Variants in CNNM4 observed in about 807,000 individuals in gnomAD.
CNNM4 encodes the protein metal transporter CNNM4.
A neutral mutation model predicts 53.7 loss-of-function variants in CNNM4; 32 were observed. That is an observed-to-expected ratio of 0.60 (90% CI 0.45 to 0.80). CNNM4 has a LOEUF of 0.80. Ranked by LOEUF, CNNM4 falls within the 30% of genes least tolerant of loss-of-function variation. CNNM4 has a pLI of 0.00. For synonymous variants in CNNM4, 410 were observed against 440.0 expected (o/e 0.93, Z 0.85); for missense variants, 784 against 1,022.0 (o/e 0.77, Z 3.17).
chr2:96,803,488 G>T (rs1038048681), intron 5 of CNNM4, among the ~76,000 whole-genome samples: 2 of 152,136 alleles, frequency 1.3e-5, no homozygotes, highest in Non-Finnish European at 2.9e-5. Context: ...ACTTTGGGAG[G>T]CCGAGGTGCG....
At position 96,811,720 on chromosome 2, in the gene CNNM4, G is replaced by A. The variant is rs967773238; in HGVS notation, c.*2203G>A. On this transcript the variant is annotated 3_prime_UTR_variant, in exon 7 of 7. Coordinates refer to ENST00000377075, the MANE Select transcript of CNNM4 (RefSeq NM_020184.4). Reference sequence around the variant, plus strand: ...TTTATTTTGCATAATATTTTAATTTGTATATTTTTGTGATTTATTTTGGCG... The same window carrying A: ...TTTATTTTGCATAATATTTTAATTTATATATTTTTGTGATTTATTTTGGCG... 6.6e-6 allele frequency: 1 copy of A among 152,652 alleles called. No homozygotes were observed. The highest frequency in any genetic ancestry group is 6.5e-5 in the Admixed American group (1 of 15,272). The allele number at this position is 152,652 out of a possible 1,614,324, so 9.5% of individuals were successfully genotyped here. A position where few individuals can be genotyped will look rare whatever the true frequency, so the allele number is the denominator to read the frequency against.
At chr2:96,785,883 C>T (rs2153347209) in intron 1 of CNNM4, among the ~76,000 whole-genome samples, 1 of 151,810 alleles carries the variant, frequency 6.6e-6, no homozygotes, top group Admixed American at 6.6e-5. Flanking sequence ...GTCAGGAGAT[C>T]CAGACCATCC....
At chr2:96,807,365 G>C (rs984080308) in intron 5 of CNNM4, among the ~76,000 whole-genome samples, 1 of 152,084 alleles carries the variant, frequency 6.6e-6, no homozygotes, top group African/African-American at 2.4e-5. Flanking sequence ...ACACCTGTCT[G>C]TAATCCCAGC....
chr2:96,799,057 A>G lies in CNNM4; in HGVS notation c.1682A>G (p.Glu561Gly). ...AGGTCTCTTCTCTCTCCTCCTACAG[A>G]GGTCTCTCAGTTTAGCCCCTCCCTG... ...LLAAHRFLAT[E>G]VSQFSPSLIS... The change falls in exon 4 of 7, where the codon GAG becomes GGG. Residue 561 changes from glutamate (E) to glycine (G), a missense_variant and splice_region_variant. Glu to Gly is a moderately conservative substitution (Grantham distance 98). Transcript: ENST00000377075. The G allele has an allele frequency of 6.2e-7, 1 of 1,613,940 alleles. No individual in the cohort carries two copies.
In CNNM4 at chr2:96,761,656, C is replaced by A. The variant is rs769192111; in HGVS notation, c.657C>A (p.Asn219Lys). The A allele has an allele frequency of 1.9e-6, 3 of 1,612,484 alleles. No individual in the cohort carries two copies. Among genetic ancestry groups the A allele is most frequent in the Non-Finnish European group, 2.5e-6 (3 of 1,180,030 alleles). Residue 219 changes from asparagine (N) to lysine (K), a missense_variant, in exon 1 of 7, where the codon AAC (asparagine) becomes AAA (lysine). Around this residue, in one of 3 missense-constraint regions of CNNM4, gnomAD observed 473 missense variants for 624.6 expected, o/e 0.76. Coordinates refer to ENST00000377075, the MANE Select transcript of CNNM4 (RefSeq NM_020184.4). This position sits in a 1 kb window ranked among gnomAD's most constrained non-coding sequence, Gnocchi z 6.0. ...CCATGGAGCTGCGCATCGTGCAGAA[C>A]TGTGGCACCGAGAAGGAGAGGCGCT... ...LDPMELRIVQ[N>K]CGTEKERRYA...
At chr2:96,798,505 C>T (rs72809853) in intron 3 of CNNM4, among the ~76,000 whole-genome samples, 1 of 152,292 alleles carries the variant, frequency 6.6e-6, no homozygotes, top group Non-Finnish European at 1.5e-5. Flanking sequence ...ATTCAAAGCT[C>T]CACTGGGGAC....
rs771341175 is a variant in CNNM4, at chr2:96,809,360, G to A, written c.2171G>A (p.Arg724His). The A allele has an allele frequency of 8.7e-6, 14 of 1,613,974 alleles. No homozygotes were observed. Among genetic ancestry groups the A allele is most frequent in the Middle Eastern group, 1.6e-4 (1 of 6,084 alleles). Residue 724 changes from arginine to histidine, a missense_variant, in exon 7 of 7, where the codon CGC (arginine) becomes CAC (histidine). Coordinates refer to ENST00000377075, the MANE Select transcript of CNNM4 (RefSeq NM_020184.4). ...TACCAGAACGGGCTGCTGGCTTCTC[G>A]CATGGAGAACAGCCCTCAGTTTCCC... is the stretch of plus-strand genomic sequence containing the variant. ...QQYQNGLLAS[R>H]MENSPQFPID...
intron 1 of CNNM4, among the ~76,000 whole-genome samples, chr2:96,769,479 A>C (rs894384089): frequency 6.9e-6 from 1 of 144,770 alleles, no homozygotes; most frequent in African/African-American, 2.6e-5. Context: ...GCAGGAGAAT[A>C]GCTTGAATCG....
At chr2:96,765,760 C>A (rs1378532319) in intron 1 of CNNM4, among the ~76,000 whole-genome samples, 1 of 151,798 alleles carries the variant, frequency 6.6e-6, no homozygotes, top group Non-Finnish European at 1.5e-5. Flanking sequence ...GCCCCACTGG[C>A]CTTTTTGCTG....
Position 96,797,097 on chromosome 2 carries a change from G to A in CNNM4, c.1488G>A (p.Leu496=), listed in dbSNP as rs770807525. ...ACGAGGTCCTGGGCCTGGTCACCCT[G>A]GAGGACGTGATCGAGGAGATCATCA... ...PFYEVLGLVT[L]EDVIEEIIKS... Residue 496 remains leucine, a synonymous_variant, in exon 2 of 7, where the codon CTG becomes CTA. Coordinates refer to ENST00000377075, the MANE Select transcript of CNNM4 (RefSeq NM_020184.4). The surrounding 1 kb of genome is among the most constrained non-coding windows in gnomAD (Gnocchi z 6.0). 2.5e-6 allele frequency: 4 copies of A among 1,614,178 alleles called. No homozygotes were observed. The highest frequency in any genetic ancestry group is 3.4e-6 in the Non-Finnish European group (4 of 1,180,026).
intron 1 of CNNM4, among the ~76,000 whole-genome samples, chr2:96,777,265 C>T (rs552318128): frequency 7.9e-4 from 115 of 145,618 alleles, no homozygotes; most frequent in African/African-American, 2.6e-3. Flanking sequence ...GTGATCTGCC[C>T]GCCTCGGCCT....
intron 1 of CNNM4, among the ~76,000 whole-genome samples, chr2:96,780,927 A>T (rs1282614852): frequency 9.1e-6 from 1 of 109,968 alleles, no homozygotes; most frequent in Non-Finnish European, 1.8e-5. Context: ...TTGTATTTTT[A>T]GTAGAAATGA....
chr2:96,775,403 T>A (rs1342996418), intron 1 of CNNM4, among the ~76,000 whole-genome samples: 1 of 152,234 alleles, frequency 6.6e-6, no homozygotes, highest in Non-Finnish European at 1.5e-5. Flanking sequence ...TCATTCCTTT[T>A]GGTTGCTGTC....
At chr2:96,806,071 A>AG (rs1227649281) in intron 5 of CNNM4, among the ~76,000 whole-genome samples, 1 of 139,662 alleles carries the variant, frequency 7.2e-6, no homozygotes, top group African/African-American at 3.2e-5. Flanking sequence ...CTGGCCGGGC[A>AG]GGGGGGCTGA....
intron 1 of CNNM4, among the ~76,000 whole-genome samples, chr2:96,785,328 G>GA (rs2079007808): frequency 6.6e-6 from 1 of 151,940 alleles, no homozygotes; most frequent in Non-Finnish European, 1.5e-5. Context: ...AATGAACACA[G>GA]AAAAAATTTA....
At chr2:96,778,746 C>G (rs893996014) in intron 1 of CNNM4, among the ~76,000 whole-genome samples, 8 of 151,516 alleles carry the variant, frequency 5.3e-5, no homozygotes, top group African/African-American at 1.5e-4. Flanking sequence ...GCCACTTGTC[C>G]CAGTTAATTT....
intron 1 of CNNM4, among the ~76,000 whole-genome samples, chr2:96,763,322 C>G (rs978093244): frequency 4.6e-5 from 7 of 152,132 alleles, no homozygotes; most frequent in African/African-American, 1.4e-4. Flanking sequence ...GCACACACTC[C>G]TTTTCTTCCA....
intron 1 of CNNM4, among the ~76,000 whole-genome samples, chr2:96,785,323 A>G (rs1558987995): frequency 6.6e-6 from 1 of 152,294 alleles, no homozygotes; most frequent in East Asian, 1.9e-4. Context: ...TATAGAATGA[A>G]CACAGAAAAA....
chr2:96,809,347 C>A lies in CNNM4; in HGVS notation c.2158C>A (p.Leu720Met). The change falls in exon 7 of 7, where the codon CTG becomes ATG. Residue 720 changes from leucine to methionine, a missense_variant. Transcript: ENST00000377075. ...KITRQQYQNGLLASRMENSPQ... is the reference protein window; with the variant it reads ...KITRQQYQNGMLASRMENSPQ... ...CACTCGGCAGCAGTACCAGAACGGG[C>A]TGCTGGCTTCTCGCATGGAGAACAG... 1.9e-6 allele frequency: 3 copies of A among 1,614,166 alleles called. No homozygotes were observed. The highest frequency in any genetic ancestry group is 2.5e-6 in the Non-Finnish European group (3 of 1,180,020).
Sources: allele counts gnomAD v4.1 joint callset (sites outside exome capture counted in the v4.1 genomes callset), GRCh38; gene constraint gnomAD v4.1.1; regional missense constraint gnomAD v4.1.1; non-coding constraint Gnocchi (gnomAD v3.1); transcripts MANE v1.5; gene names NCBI Gene and HGNC (gene_info 2026-07-23, HGNC 2026-07-21).